The following JMY variants were observed in gnomAD, a reference collection of about 807,000 sequenced individuals.
The protein encoded by JMY is junction-mediating and -regulatory protein.
JMY carries 46 observed loss-of-function variants against 103.3 expected under a neutral mutation model. The ratio of observed to expected loss-of-function variants is 0.45; its 90% CI spans 0.35 to 0.57. The LOEUF (loss-of-function observed/expected upper bound fraction) is 0.57, where lower values mean the gene tolerates loss of function less well. Ranked by LOEUF, JMY falls within the 20% of genes least tolerant of loss-of-function variation. The probability of loss-of-function intolerance (pLI) is 0.00; values close to 1 mark genes in which losing one functional copy is unlikely to be tolerated. For synonymous variants in JMY, 526 were observed against 489.3 expected, an observed-to-expected ratio of 1.07 and a Z score of -0.99; for missense variants, 1,238 against 1,255.2, an observed-to-expected ratio of 0.99 and a Z score of 0.21.
Position 79,237,473 on chromosome 5 carries a change from C to G in JMY, c.823C>G (p.Pro275Ala). ...GMWTVLFGGA[P>A]EMTEQEIDTL... ...GTGGACTGTGCTGTTTGGGGGCGCC[C>G]CCGAGATGACCGAGCAGGAAATCGA... The change falls in exon 1 of 11, where the codon CCC becomes GCC. Residue 275 changes from proline (P) to alanine (A), a missense_variant. Coordinates refer to ENST00000396137, the MANE Select transcript of JMY (RefSeq NM_152405.5). 6.3e-7 allele frequency: 1 copy of G among 1,590,384 alleles called. No individual in the cohort carries two copies. The highest frequency in any genetic ancestry group is 8.6e-7 in the Non-Finnish European group (1 of 1,169,028).
intron 1 of JMY, among the ~76,000 whole-genome samples, chr5:79,270,130 A>G (rs748420469): frequency 7.2e-5 from 11 of 152,018 alleles, no homozygotes; most frequent in Non-Finnish European, 1.6e-4. Flanking sequence ...CAGTCTACAC[A>G]TTTTAAATTT....
At chr5:79,275,034 C>G (rs578020508) in intron 1 of JMY, among the ~76,000 whole-genome samples, 1 of 152,190 alleles carries the variant, frequency 6.6e-6, no homozygotes, top group African/African-American at 2.4e-5. Flanking sequence ...TTTGGACTTT[C>G]TTCTTCTTAG....
At chr5:79,271,906 C>T (rs1318030607) in intron 1 of JMY, among the ~76,000 whole-genome samples, 1 of 151,992 alleles carries the variant, frequency 6.6e-6, no homozygotes, top group African/African-American at 2.4e-5. Flanking sequence ...CTCAGGAGTT[C>T]AAGACCATCC....
At chr5:79,257,867 A>T (rs1432457144) in intron 1 of JMY, among the ~76,000 whole-genome samples, 1 of 151,978 alleles carries the variant, frequency 6.6e-6, no homozygotes, top group East Asian at 1.9e-4. Flanking sequence ...TGTTCAAGCA[A>T]TTCTCCTGCC....
chr5:79,290,406 G>T (rs565024332), intron 3 of JMY, 135 bp downstream of exon 3: 1 of 418,076 alleles, frequency 2.4e-6, no homozygotes, highest in South Asian at 1.2e-4. Flanking sequence ...ACCACTATTA[G>T]CAAATTAAGG....
rs1207343316 is a variant in JMY at position 79,325,230 on chromosome 5, TTTC to T, written c.*3631_*3633del. 6.6e-6 allele frequency: 1 copy of T among 152,184 alleles called. No homozygotes were observed. The highest frequency in any genetic ancestry group is 6.5e-5 in the Admixed American group (1 of 15,274). 9.4% of individuals were successfully genotyped at this position (152,184 alleles called of 1,614,324 possible). ...AAGCTAAATACAAGGTTTTTGGGGT[TTTC>T]TTTTTTCAGCTTTATTATTGAAGTA... On this transcript the variant is annotated 3_prime_UTR_variant, in exon 11 of 11. Transcript: ENST00000396137.
At chr5:79,310,429 G>A (rs1747013299) in intron 7 of JMY, among the ~76,000 whole-genome samples, 1 of 151,998 alleles carries the variant, frequency 6.6e-6, no homozygotes, top group African/African-American at 2.4e-5. Context: ...CTAATATCTT[G>A]GTTGGAATAT....
intron 8 of JMY, 96 bp downstream of exon 8, chr5:79,312,594 TGG>T: frequency 1.7e-6 from 1 of 581,486 alleles, no homozygotes. Flanking sequence ...GGGAAAAACT[TGG>T]TTTTCCCTTA....
intron 1 of JMY, among the ~76,000 whole-genome samples, chr5:79,270,858 G>A (rs1443581977): frequency 4.0e-5 from 6 of 151,606 alleles, no homozygotes. Flanking sequence ...TTTGTGAAAT[G>A]CATTTTCTGC....
intron 1 of JMY, among the ~76,000 whole-genome samples, chr5:79,264,161 C>T (rs940594162): frequency 1.3e-5 from 2 of 152,062 alleles, no homozygotes; most frequent in African/African-American, 2.4e-5. Flanking sequence ...TCTTGGCTCA[C>T]TGCAGCCTGG....
chr5:79,321,924 T>TGTAA lies in JMY; in HGVS notation c.*325_*328dup, dbSNP rs991208949. 3.3e-5 allele frequency: 5 copies of TGTAA among 152,078 alleles called. No individual in the cohort carries two copies. The highest frequency in any genetic ancestry group is 6.6e-5 in the Admixed American group (1 of 15,266). The allele number at this position is 152,078 out of a possible 1,614,324, so 9.4% of individuals were successfully genotyped here. Reference sequence around the variant, plus strand: ...AATGGCCAGTTAAGCTAGGGCTTGCTGTAAGTTGGAAGAACACTGGGTTGA... The same window carrying TGTAA: ...AATGGCCAGTTAAGCTAGGGCTTGCTGTAAGTAAGTTGGAAGAACACTGGGTTGA... On this transcript the variant is annotated 3_prime_UTR_variant, in exon 11 of 11. Transcript: ENST00000396137.
chr5:79,313,571 T>TA (rs1363951835), intron 8 of JMY, among the ~76,000 whole-genome samples: 1 of 152,224 alleles, frequency 6.6e-6, no homozygotes, highest in African/African-American at 2.4e-5. Context: ...AGTAACCTGT[T>TA]AAAGAATATT....
intron 1 of JMY, among the ~76,000 whole-genome samples, chr5:79,276,146 T>C (rs1030015360): frequency 6.6e-6 from 1 of 152,248 alleles, no homozygotes; most frequent in Non-Finnish European, 1.5e-5. Context: ...TGAGATGGAG[T>C]CTCACTCTGT....
At chr5:79,319,282 G>A (rs1384203687) in intron 10 of JMY, among the ~76,000 whole-genome samples, 1 of 152,208 alleles carries the variant, frequency 6.6e-6, no homozygotes, top group Non-Finnish European at 1.5e-5. Context: ...TTTCGGGGGT[G>A]TGGGAGACGG....
chr5:79,270,337 AAT>A (rs1204431204), intron 1 of JMY, among the ~76,000 whole-genome samples: 50 of 102,876 alleles, frequency 4.9e-4, no homozygotes, highest in Non-Finnish European at 8.0e-4. Flanking sequence ...AAATATTTAA[AAT>A]ATATATTTAC....
intron 1 of JMY, among the ~76,000 whole-genome samples, chr5:79,267,010 G>A (rs563570089): frequency 1.3e-5 from 2 of 152,212 alleles, no homozygotes; most frequent in South Asian, 4.1e-4. Context: ...AAAATTAATA[G>A]ACTTGAGTTT....
chr5:79,268,687 A>G (rs1321676323), intron 1 of JMY, among the ~76,000 whole-genome samples: 1 of 151,882 alleles, frequency 6.6e-6, no homozygotes, highest in East Asian at 1.9e-4. Flanking sequence ...ACGGGGTTTC[A>G]CCATGTTGGC....
At chr5:79,286,572 G>A (rs1489271009) in intron 2 of JMY, among the ~76,000 whole-genome samples, 1 of 151,788 alleles carries the variant, frequency 6.6e-6, no homozygotes, top group Non-Finnish European at 1.5e-5. Flanking sequence ...GAGACCGGGA[G>A]TTGGAGGTTG....
chr5:79,284,009 G>T, intron 2 of JMY: 1 of 607,736 alleles, frequency 1.6e-6, no homozygotes, highest in Non-Finnish European at 2.7e-6. Context: ...AACACATTTT[G>T]AAGGTAAAGA....
Sources: gnomAD v4.1 joint callset for allele counts (sites outside exome capture counted in the v4.1 genomes callset) on GRCh38, gnomAD v4.1.1 for gene constraint, MANE v1.5 for transcripts, NCBI Gene and HGNC (gene_info 2026-07-23, HGNC 2026-07-21) for gene names.